Variants in ASPH observed in about 807,000 individuals in gnomAD.
ASPH encodes aspartyl/asparaginyl beta-hydroxylase.
In ASPH, 100 loss-of-function variants were observed where a neutral mutation model predicts 118.4. The ratio of observed to expected loss-of-function variants is 0.84; its 90% CI spans 0.72 to 1.00. The LOEUF (loss-of-function observed/expected upper bound fraction) is 1.00, where lower values mean the gene tolerates loss of function less well. Among genes scored for constraint, ASPH ranks in the 50% least tolerant of loss-of-function variants. The pLI, the probability that ASPH is intolerant of heterozygous loss-of-function variation, is 0.00. For synonymous variants in ASPH, 315 were observed against 325.6 expected, an observed-to-expected ratio of 0.97 and a Z score of 0.35; for missense variants, 920 against 919.5, an observed-to-expected ratio of 1.00 and a Z score of -0.01.
intron 15 of ASPH, chr8:61,579,469 G>T: frequency 6.2e-7 from 1 of 1,605,812 alleles, no homozygotes; most frequent in Non-Finnish European, 8.5e-7. Context: ...AAGACCACCA[G>T]CGGCTATGCA....
At position 61,555,999 on chromosome 8, in the gene ASPH, A is replaced by G; in HGVS notation, c.1461T>C (p.Asp487=). Residue 487 remains aspartate (D), a synonymous_variant, in exon 19 of 25, where the codon GAT becomes GAC. Transcript: ENST00000379454. ...YEEVLSVTPN[D]GFAKVHYGFI... is the part of the protein sequence containing the mutation. ...AGCCATAATGGACTTTAGCAAAGCC[A>G]TCATTAGGTGTCACACTCAGCACCT... 1.2e-6 allele frequency: 2 copies of G among 1,614,020 alleles called. No homozygotes were observed. The highest frequency in any genetic ancestry group is 1.7e-6 in the Non-Finnish European group (2 of 1,179,972).
intron 13 of ASPH, among the ~76,000 whole-genome samples, chr8:61,622,287 G>A (rs545382254): frequency 2.0e-5 from 3 of 152,248 alleles, no homozygotes; most frequent in Admixed American, 2.0e-4. Flanking sequence ...ATAGTGAGCC[G>A]AGATTGCACC....
intron 20 of ASPH, among the ~76,000 whole-genome samples, chr8:61,550,277 G>A (rs1825456619): frequency 6.6e-6 from 1 of 152,028 alleles, no homozygotes; most frequent in Admixed American, 6.6e-5. Flanking sequence ...CAATTTTCCT[G>A]TCTAATCAGC....
chr8:61,654,369 A>C (rs746058151), intron 3 of ASPH, among the ~76,000 whole-genome samples: 67 of 152,172 alleles, frequency 4.4e-4, no homozygotes, highest in Non-Finnish European at 9.0e-4. Flanking sequence ...ATAGGTCCTC[A>C]ATTAAATCCA....
In ASPH at chr8:61,673,881, T is replaced by C. The variant is rs555559761; in HGVS notation, c.322+7087A>G. On this transcript the variant is annotated intron_variant, in intron 3 of 24. Transcript: ENST00000379454. ...GACGGAAGTCACAGAAGTCAGGGGT[T>C]CGTCAGCTACCTGGGTGTCACCTTC... Among the ~76,000 whole-genome samples, 129 of 152,160 alleles carry C rather than the reference T, an allele frequency of 8.5e-4. 1 individual carries two copies. The highest frequency in any genetic ancestry group is 1.4e-3 in the Non-Finnish European group (96 of 68,032).
chr8:61,553,802 G>A (rs185221203), intron 19 of ASPH, among the ~76,000 whole-genome samples: 213 of 152,280 alleles, frequency 1.4e-3, no homozygotes, highest in African/African-American at 4.6e-3. Context: ...AACAGAATGC[G>A]TTTAGAAAAG....
intron 14 of ASPH, among the ~76,000 whole-genome samples, chr8:61,590,756 G>A (rs1019770256): frequency 2.0e-5 from 3 of 151,878 alleles, no homozygotes; most frequent in African/African-American, 2.4e-5. Flanking sequence ...ATAGACTCTC[G>A]AATATGGCAT....
chr8:61,555,003 T>C (rs901060890), intron 19 of ASPH, among the ~76,000 whole-genome samples: 12 of 152,174 alleles, frequency 7.9e-5, no homozygotes, highest in African/African-American at 2.7e-4. Flanking sequence ...TGGGAGCCAC[T>C]GCACCTGGCC....
At chr8:61,527,687 G>C (rs370017363) in intron 21 of ASPH, among the ~76,000 whole-genome samples, 2 of 151,998 alleles carry the variant, frequency 1.3e-5, no homozygotes, top group Non-Finnish European at 2.9e-5. Flanking sequence ...GAAGGGTGGC[G>C]GGGGGAAGGA....
At chr8:61,624,867 G>C (rs1852185113) in intron 13 of ASPH, 6 of 985,374 alleles carry the variant, frequency 6.1e-6, no homozygotes, top group Admixed American at 1.2e-4. Flanking sequence ...TATCATCTCT[G>C]TATCACCGAC....
At chr8:61,572,060 TA>T (rs1334479783) in intron 16 of ASPH, among the ~76,000 whole-genome samples, 1 of 152,212 alleles carries the variant, frequency 6.6e-6, no homozygotes, top group Non-Finnish European at 1.5e-5. Context: ...ATCGAATTAA[TA>T]AAAAATATAT....
At chr8:61,650,908 T>C in intron 5 of ASPH, 142 bp downstream of exon 5, 1 of 729,262 alleles carries the variant, frequency 1.4e-6, no homozygotes, top group South Asian at 1.9e-5. Context: ...CAACACCTGC[T>C]ATCTAACTTT....
At chr8:61,633,204 A>C (rs1050646579) in intron 13 of ASPH, 2 of 155,068 alleles carry the variant, frequency 1.3e-5, no homozygotes, top group Non-Finnish European at 2.8e-5. Flanking sequence ...GTGAACTAAA[A>C]GGAAACACCC....
chr8:61,586,569 C>T (rs1241382961), intron 14 of ASPH, among the ~76,000 whole-genome samples: 3 of 152,162 alleles, frequency 2.0e-5, no homozygotes, highest in Non-Finnish European at 2.9e-5. Context: ...CACTCTGCGC[C>T]AGTCGCCCGG....
Position 61,581,404 on chromosome 8 carries a change from G to C in ASPH, c.1062+2540C>G, listed in dbSNP as rs950861449. 4.4e-4 allele frequency among the ~76,000 whole-genome samples: 67 copies of C among 152,362 alleles called. 1 individual carries two copies. The highest frequency in any genetic ancestry group is 1.6e-3 in the African/African-American group (65 of 41,580). On this transcript the variant is annotated intron_variant, in intron 15 of 24. Transcript: ENST00000379454. ...CCTAGGACCAAGACAGTTCATGGGA[G>C]AGACATGGACGTAGGCCACACTGTG...
intron 20 of ASPH, among the ~76,000 whole-genome samples, chr8:61,551,003 G>C (rs1825802762): frequency 6.6e-6 from 1 of 152,114 alleles, no homozygotes; most frequent in Admixed American, 6.5e-5. Context: ...AAGGAACCTA[G>C]GAGGAAAAAC....
intron 1 of ASPH, among the ~76,000 whole-genome samples, chr8:61,701,985 A>G (rs938626231): frequency 1.1e-4 from 16 of 152,218 alleles, no homozygotes; most frequent in African/African-American, 3.9e-4. Flanking sequence ...GTAATACTAG[A>G]CATACAATAG....
chr8:61,584,135 A>T lies in ASPH; in HGVS notation c.977-106T>A, dbSNP rs562860889. On this transcript the variant is annotated intron_variant, in intron 14 of 24. Coordinates refer to ENST00000379454, the MANE Select transcript of ASPH (RefSeq NM_004318.4). ...GAAACCTGATGCTGGTCTCCACCAA[A>T]GACCTGCAGGAGAAGGCACACTGCA... is the stretch of plus-strand genomic sequence containing the variant. 1.4e-4 allele frequency: 97 copies of T among 687,176 alleles called. No individual in the cohort carries two copies. The African/African-American group carries it at 1.6e-3, about 11-fold the overall frequency. The allele number at this position is 687,176 out of a possible 1,614,324, so 42.6% of individuals were successfully genotyped here. A position where few individuals can be genotyped will look rare whatever the true frequency, so the allele number is the denominator to read the frequency against.
chr8:61,626,831 C>T (rs1050768206), intron 13 of ASPH, among the ~76,000 whole-genome samples: 5 of 151,590 alleles, frequency 3.3e-5, no homozygotes, highest in African/African-American at 1.2e-4. Flanking sequence ...TCATTCCTAT[C>T]CAACTTTTTA....
Sources: gnomAD v4.1 joint callset for allele counts (sites outside exome capture counted in the v4.1 genomes callset) on GRCh38, gnomAD v4.1.1 for gene constraint, MANE v1.5 for transcripts, NCBI Gene and HGNC (gene_info 2026-07-23, HGNC 2026-07-21) for gene names.